Variants in CNTN5 observed in about 807,000 individuals in gnomAD.
CNTN5 encodes contactin-5.
CNTN5 carries 77 observed loss-of-function variants against 129.1 expected under a neutral mutation model. The observed-to-expected ratio is 0.60, with a 90% CI of 0.50 to 0.72. CNTN5 has a LOEUF of 0.72. Ranked by LOEUF, CNTN5 falls within the 30% of genes least tolerant of loss-of-function variation. CNTN5 has a pLI of 0.00. For missense variants in CNTN5, 1,478 were observed against 1,328.8 expected, an observed-to-expected ratio of 1.11 and a Z score of -1.75; for synonymous variants, 509 against 465.6, an observed-to-expected ratio of 1.09 and a Z score of -1.20.
At chr11:99,072,684 T>C (rs1223930597) in intron 1 of CNTN5, among the ~76,000 whole-genome samples, 1 of 152,112 alleles carries the variant, frequency 6.6e-6, no homozygotes, top group African/African-American at 2.4e-5. Flanking sequence ...ACTGAATCTT[T>C]TTTTAGCTTG....
chr11:99,601,972 T>C (rs1319587944), intron 3 of CNTN5, among the ~76,000 whole-genome samples: 4 of 152,202 alleles, frequency 2.6e-5, no homozygotes, highest in African/African-American at 4.8e-5. Context: ...ACCTATATAC[T>C]ATATATACCT....
At chr11:100,271,603 G>T (rs1226218604) in intron 18 of CNTN5, among the ~76,000 whole-genome samples, 1 of 151,846 alleles carries the variant, frequency 6.6e-6, no homozygotes, top group Non-Finnish European at 1.5e-5. Context: ...TTTTTCCAGT[G>T]ATACTTTACT....
chr11:99,816,801 T>G (rs1246939427), intron 3 of CNTN5, among the ~76,000 whole-genome samples: 1 of 152,116 alleles, frequency 6.6e-6, no homozygotes, highest in Admixed American at 6.6e-5. Context: ...GCCTTACATG[T>G]CCTCCCACCT....
At position 100,287,410 on chromosome 11, in the gene CNTN5, C is replaced by T. The variant is rs1337125621; in HGVS notation, c.2315-10215C>T. Among the ~76,000 whole-genome samples, 980 of 150,320 alleles carry T rather than the reference C, an allele frequency of 6.5e-3. 16 individuals carry two copies. Among genetic ancestry groups the T allele is most frequent in the Admixed American group, 0.033 (494 of 15,056 alleles). On this transcript the variant is annotated intron_variant, in intron 18 of 24. Transcript: ENST00000524871. Reference sequence around the variant, plus strand: ...CCCATCAGACTAACAGCGGATCTCTCGGCAGAAACCCTACAAGCCAGAAGA... The same window carrying T: ...CCCATCAGACTAACAGCGGATCTCTTGGCAGAAACCCTACAAGCCAGAAGA...
rs184369534 is a variant in CNTN5 at position 99,823,252 on chromosome 11, A to G, written c.277+3487A>G. 6.6e-5 allele frequency among the ~76,000 whole-genome samples: 10 copies of G among 152,280 alleles called. 1 individual carries two copies. The highest frequency in any genetic ancestry group is 3.9e-4 in the Admixed American group (6 of 15,294). On this transcript the variant is annotated intron_variant, in intron 4 of 24. Transcript: ENST00000524871. Reference sequence around the variant, plus strand: ...TTTCTACTATTTTAACTGTAATTCTATATTTCTGCAGAAAATCATTCTCAT... The same window carrying G: ...TTTCTACTATTTTAACTGTAATTCTGTATTTCTGCAGAAAATCATTCTCAT...
Position 99,557,560 on chromosome 11 carries a change from C to A in CNTN5, c.55+1291C>A, listed in dbSNP as rs1313014834. The stretch of plus-strand genomic sequence containing the variant: ...AAAAAAGGACTGATAGAAGAACAAA[C>A]CCAAATACAAGAAAATATAAACTCT... On this transcript the variant is annotated intron_variant, in intron 3 of 24. Coordinates refer to ENST00000524871, the MANE Select transcript of CNTN5 (RefSeq NM_014361.4). Among the ~76,000 whole-genome samples, 5 of 151,428 alleles carry A rather than the reference C, an allele frequency of 3.3e-5. No individual in the cohort carries two copies. The East Asian group carries it at 7.7e-4, about 23-fold the overall frequency.
intron 2 of CNTN5, among the ~76,000 whole-genome samples, chr11:99,493,470 G>A (rs1022556512): frequency 6.6e-6 from 1 of 152,144 alleles, no homozygotes; most frequent in Non-Finnish European, 1.5e-5. Flanking sequence ...TTGCCATAAT[G>A]AGCAGTAGCT....
At chr11:99,520,199 A>T (rs1197442049) in intron 2 of CNTN5, among the ~76,000 whole-genome samples, 4 of 152,158 alleles carry the variant, frequency 2.6e-5, no homozygotes, top group African/African-American at 9.6e-5. Context: ...ACATACAGCT[A>T]TTGAAATACT....
chr11:99,190,269 C>T (rs1858569295), intron 1 of CNTN5, among the ~76,000 whole-genome samples: 1 of 151,662 alleles, frequency 6.6e-6, no homozygotes, highest in Non-Finnish European at 1.5e-5. Flanking sequence ...GTTTATATGG[C>T]AGTACCAGGC....
rs1196043734 is a variant in CNTN5 at position 99,945,842 on chromosome 11, C to T, written c.674-10964C>T. 6.6e-5 allele frequency among the ~76,000 whole-genome samples: 10 copies of T among 151,914 alleles called. No individual in the cohort carries two copies. In the East Asian group the frequency reaches 1.2e-3, roughly 18 times the overall value. On this transcript the variant is annotated intron_variant, in intron 7 of 24. Coordinates refer to ENST00000524871, the MANE Select transcript of CNTN5 (RefSeq NM_014361.4). The stretch of plus-strand genomic sequence containing the variant: ...TTCCCCAGAGGTCTCAGCTGGAATA[C>T]GAATCTAGGCACTTAATACACATTT...
intron 3 of CNTN5, among the ~76,000 whole-genome samples, chr11:99,786,456 T>A (rs1037117689): frequency 3.3e-5 from 5 of 152,096 alleles, no homozygotes; most frequent in Admixed American, 2.6e-4. Flanking sequence ...TCAATGCTAT[T>A]CCCATCAAGC....
intron 2 of CNTN5, among the ~76,000 whole-genome samples, chr11:99,430,740 G>T (rs192766000): frequency 6.6e-6 from 1 of 151,688 alleles, no homozygotes; most frequent in Non-Finnish European, 1.5e-5. Context: ...AGGTTGGGGG[G>T]GCGGGGAGAA....
At chr11:99,599,678 T>G (rs539650007) in intron 3 of CNTN5, among the ~76,000 whole-genome samples, 73 of 152,296 alleles carry the variant, frequency 4.8e-4, no homozygotes, top group African/African-American at 1.7e-3. Context: ...CCAAATTCTT[T>G]GTGCAAATGT....
At chr11:99,621,319 G>A (rs1013693851) in intron 3 of CNTN5, among the ~76,000 whole-genome samples, 1 of 152,020 alleles carries the variant, frequency 6.6e-6, no homozygotes, top group African/African-American at 2.4e-5. Context: ...GGCTAAATTG[G>A]AGTCAAAAAA....
chr11:99,274,722 A>C (rs1863344586), intron 1 of CNTN5, among the ~76,000 whole-genome samples: 1 of 151,428 alleles, frequency 6.6e-6, no homozygotes, highest in South Asian at 2.1e-4. Context: ...TTCTAATTCC[A>C]GCTCTGACAC....
At position 99,993,892 on chromosome 11, in the gene CNTN5, G is replaced by A. The variant is rs1939283081; in HGVS notation, c.878-8142G>A. On this transcript the variant is annotated intron_variant, in intron 8 of 24. Coordinates refer to ENST00000524871, the MANE Select transcript of CNTN5 (RefSeq NM_014361.4). ...GTCCTTATATCATCACTCTTAGTGT[G>A]ATGAGAAAATTTTAAAAACCAGTTA... Among the ~76,000 whole-genome samples the A allele has an allele frequency of 3.3e-5, 5 of 152,144 alleles. No homozygotes were observed. The South Asian group carries it at 1.0e-3, about 31-fold the overall frequency.
At chr11:99,226,681 C>A (rs1457066249) in intron 1 of CNTN5, among the ~76,000 whole-genome samples, 4 of 149,992 alleles carry the variant, frequency 2.7e-5, no homozygotes, top group Non-Finnish European at 5.9e-5. Context: ...AGGACTATTT[C>A]TTCTCCCTCT....
chr11:99,267,527 G>A (rs186731233), intron 1 of CNTN5, among the ~76,000 whole-genome samples: 102 of 151,870 alleles, frequency 6.7e-4, no homozygotes, highest in South Asian at 2.1e-4. Context: ...AAACCCCTTC[G>A]TTCATGTGAT....
chr11:99,965,532 T>A (rs1951070418), intron 8 of CNTN5, among the ~76,000 whole-genome samples: 1 of 152,208 alleles, frequency 6.6e-6, no homozygotes, highest in Non-Finnish European at 1.5e-5. Context: ...AGACAGTTTG[T>A]TATAATTTCT....
Sources: allele counts gnomAD v4.1 joint callset (sites outside exome capture counted in the v4.1 genomes callset), GRCh38; gene constraint gnomAD v4.1.1; transcripts MANE v1.5; gene names NCBI Gene and HGNC (gene_info 2026-07-23, HGNC 2026-07-21).